TMTC2: variants seen among roughly 807,000 people sequenced by gnomAD.
The protein encoded by TMTC2 is protein O-mannosyl-transferase TMTC2.
In TMTC2, 43 loss-of-function variants were observed where a neutral mutation model predicts 82.4. The observed-to-expected ratio is 0.52, with a 90% CI of 0.41 to 0.67. The LOEUF is 0.67. Among genes scored for constraint, TMTC2 ranks in the 30% least tolerant of loss-of-function variants. TMTC2 has a pLI of 0.00. For synonymous variants in TMTC2, 408 were observed against 381.9 expected, an observed-to-expected ratio of 1.07 and a Z score of -0.80; for missense variants, 919 against 1,012.4, an observed-to-expected ratio of 0.91 and a Z score of 1.25.
intron 2 of TMTC2, among the ~76,000 whole-genome samples, chr12:82,872,175 G>T (rs985698545): frequency 4.6e-5 from 7 of 152,128 alleles, no homozygotes; most frequent in African/African-American, 1.7e-4. Flanking sequence ...AGACTGGATA[G>T]TCTTTTTCTT....
At chr12:83,091,407 G>C (rs1883843262) in intron 11 of TMTC2, among the ~76,000 whole-genome samples, 1 of 151,990 alleles carries the variant, frequency 6.6e-6, no homozygotes, top group African/African-American at 2.4e-5. Context: ...ACTTCTCTAA[G>C]ATAAATTTCC....
intron 11 of TMTC2, among the ~76,000 whole-genome samples, chr12:83,131,954 A>G (rs1168418881): frequency 6.6e-6 from 1 of 152,196 alleles, no homozygotes; most frequent in African/African-American, 2.4e-5. Flanking sequence ...TATGTTACCT[A>G]TGCTTTCTCA....
At chr12:82,956,638 G>T (rs1279865072) in intron 4 of TMTC2, among the ~76,000 whole-genome samples, 1 of 152,026 alleles carries the variant, frequency 6.6e-6, no homozygotes, top group African/African-American at 2.4e-5. Context: ...ATTTTTAGTA[G>T]AGATGGAGTT....
intron 10 of TMTC2, among the ~76,000 whole-genome samples, chr12:83,056,671 TCTTC>T (rs1340446219): frequency 2.6e-5 from 4 of 152,062 alleles, no homozygotes; most frequent in African/African-American, 7.2e-5. Flanking sequence ...CCATACATTT[TCTTC>T]CTTAACACTT....
chr12:82,766,523 T>A (rs1876970015), intron 1 of TMTC2, among the ~76,000 whole-genome samples: 1 of 152,222 alleles, frequency 6.6e-6, no homozygotes, highest in Admixed American at 6.5e-5. Context: ...CACTTCCTCT[T>A]TCTTAGAGGA....
intron 1 of TMTC2, among the ~76,000 whole-genome samples, chr12:82,731,942 T>C (rs960702396): frequency 6.6e-6 from 1 of 152,222 alleles, no homozygotes; most frequent in African/African-American, 2.4e-5. Context: ...TCCCTTTTCT[T>C]TCTCCTTGCT....
chr12:82,940,275 C>T (rs1051976809), intron 4 of TMTC2, among the ~76,000 whole-genome samples: 1 of 151,794 alleles, frequency 6.6e-6, no homozygotes, highest in African/African-American at 2.4e-5. Flanking sequence ...CCTTGGCCTC[C>T]CAAAGTGCTG....
chr12:82,906,157 G>C (rs1874294087), intron 3 of TMTC2, among the ~76,000 whole-genome samples: 1 of 152,062 alleles, frequency 6.6e-6, no homozygotes, highest in Admixed American at 6.6e-5. Context: ...TCTAAGCCAT[G>C]TAAAAATTGA....
chr12:82,927,112 AGT>A (rs1234477024), intron 3 of TMTC2, among the ~76,000 whole-genome samples: 1 of 152,226 alleles, frequency 6.6e-6, no homozygotes, highest in Non-Finnish European at 1.5e-5. Flanking sequence ...TTCCATAGAC[AGT>A]GATTCCCTGG....
intron 1 of TMTC2, among the ~76,000 whole-genome samples, chr12:82,751,840 A>G (rs1876023445): frequency 1.3e-5 from 2 of 152,172 alleles, no homozygotes; most frequent in South Asian, 4.1e-4. Flanking sequence ...TTTTTTCCAT[A>G]TTTACATATT....
chr12:83,121,379 G>A (rs973771807), intron 11 of TMTC2, among the ~76,000 whole-genome samples: 1 of 152,132 alleles, frequency 6.6e-6, no homozygotes, highest in African/African-American at 2.4e-5. Flanking sequence ...CTTTTCCTAT[G>A]GATGTGGCTT....
chr12:82,707,704 G>T (rs917256868), intron 1 of TMTC2, among the ~76,000 whole-genome samples: 1 of 152,316 alleles, frequency 6.6e-6, no homozygotes, highest in South Asian at 2.1e-4. Flanking sequence ...AAGGAGGCAG[G>T]TTTGTCTGTG....
At chr12:82,776,559 C>T (rs1003421433) in intron 1 of TMTC2, among the ~76,000 whole-genome samples, 4 of 150,848 alleles carry the variant, frequency 2.7e-5, no homozygotes, top group African/African-American at 9.8e-5. Flanking sequence ...TCACTTTAAC[C>T]CAGGTGTCCA....
In TMTC2 at chr12:82,774,610, G is replaced by T. The variant is rs934727499; in HGVS notation, c.84-82400G>T. Among the ~76,000 whole-genome samples the T allele has an allele frequency of 1.3e-4, 19 of 150,032 alleles. No homozygotes were observed. In the Middle Eastern group the frequency reaches 0.01, roughly 83 times the overall value. ...CACTCCAGCCTGGGTGAAAGGGTAA[G>T]ACTGTCTCAAAAAAAAAGAACAATT... On this transcript the variant is annotated intron_variant, in intron 1 of 11. Coordinates refer to ENST00000321196, the MANE Select transcript of TMTC2 (RefSeq NM_152588.3).
At chr12:82,958,785 G>A (rs1038807673) in intron 4 of TMTC2, among the ~76,000 whole-genome samples, 10 of 151,962 alleles carry the variant, frequency 6.6e-5, no homozygotes, top group African/African-American at 2.4e-4. Flanking sequence ...AAAAGATGCC[G>A]ACTCTCACCA....
chr12:82,857,706 T>C lies in TMTC2; in HGVS notation c.654+126T>C, dbSNP rs1015959653. On this transcript the variant is annotated intron_variant, in intron 2 of 11. Transcript: ENST00000321196. ...ATTTAAAATAAGTTCCTTTTTGATC[T>C]TCAGTAAGTGGAAGTGTCCTTTTGA... 5.0e-5 allele frequency: 42 copies of C among 841,940 alleles called. No individual in the cohort carries two copies. In the Admixed American group the frequency reaches 1.2e-3, roughly 24 times the overall value. The allele number at this position is 841,940 out of a possible 1,614,324, so 52.2% of individuals were successfully genotyped here.
intron 1 of TMTC2, among the ~76,000 whole-genome samples, chr12:82,793,802 C>T (rs1337263416): frequency 6.6e-6 from 1 of 152,144 alleles, no homozygotes; most frequent in Non-Finnish European, 1.5e-5. Flanking sequence ...ACACTGTCTT[C>T]TTCCCCAATT....
rs1348743980 is a variant in TMTC2 at position 82,965,707 on chromosome 12, A to T, written c.1832A>T (p.Asn611Ile). The T allele has an allele frequency of 2.5e-6, 4 of 1,613,574 alleles. No homozygotes were observed. In the African/African-American group the frequency reaches 5.3e-5, roughly 22 times the overall value. ...AGCTCTGTTACCAGTTGTTTGTACA[A>T]CCTAGGAAAGCTGTATCATGAGCAG... ...HKSSVTSCLYNLGKLYHEQGH... is the reference protein window; with the variant it reads ...HKSSVTSCLYILGKLYHEQGH... The change falls in exon 6 of 12, where the codon AAC becomes ATC. Residue 611 changes from asparagine (N) to isoleucine (I), a missense_variant. Physicochemically the swap from Asn to Ile is moderately radical, Grantham distance 149. Transcript: ENST00000321196.
chr12:82,937,955 C>G (rs1876494236), intron 4 of TMTC2, among the ~76,000 whole-genome samples: 1 of 140,012 alleles, frequency 7.1e-6, no homozygotes, highest in African/African-American at 2.7e-5. Flanking sequence ...TACGCTGTCG[C>G]CCAGGGTGGA....
Sources: allele counts gnomAD v4.1 joint callset (sites outside exome capture counted in the v4.1 genomes callset), GRCh38; gene constraint gnomAD v4.1.1; transcripts MANE v1.5; gene names NCBI Gene and HGNC (gene_info 2026-07-23, HGNC 2026-07-21).